Variants in GRIK2 observed in about 807,000 individuals in gnomAD.
GRIK2 encodes glutamate ionotropic receptor kainate type subunit 2.
GRIK2 carries 32 observed loss-of-function variants against 100.3 expected under a neutral mutation model. The ratio of observed to expected loss-of-function variants is 0.32; its 90% CI spans 0.24 to 0.43. The LOEUF is 0.43. Ranked by LOEUF, GRIK2 falls within the 20% of genes least tolerant of loss-of-function variation. The pLI, the probability that GRIK2 is intolerant of heterozygous loss-of-function variation, is 1.00. For missense variants in GRIK2, 843 were observed against 1,114.9 expected, an observed-to-expected ratio of 0.76 and a Z score of 3.47; for synonymous variants, 417 against 389.4, an observed-to-expected ratio of 1.07 and a Z score of -0.83.
At chr6:101,909,827 C>G (rs1306623068) in intron 12 of GRIK2, among the ~76,000 whole-genome samples, 1 of 150,924 alleles carries the variant, frequency 6.6e-6, no homozygotes, top group African/African-American at 2.4e-5. Context: ...AACCAGAATT[C>G]ATAAACAATT....
intron 4 of GRIK2, among the ~76,000 whole-genome samples, chr6:101,650,224 T>C (rs755665211): frequency 1.6e-4 from 24 of 152,110 alleles, no homozygotes; most frequent in Non-Finnish European, 2.2e-4. Context: ...AAAGGAAACA[T>C]TGGAAACCAA....
At chr6:101,627,663 A>G (rs1393298699) in intron 4 of GRIK2, among the ~76,000 whole-genome samples, 2 of 152,184 alleles carry the variant, frequency 1.3e-5, no homozygotes, top group Admixed American at 1.3e-4. Flanking sequence ...GGAACAATAT[A>G]ATATTCACTG....
At chr6:101,886,467 ATTTT>A (rs1284270584) in intron 11 of GRIK2, among the ~76,000 whole-genome samples, 2 of 151,944 alleles carry the variant, frequency 1.3e-5, no homozygotes, top group African/African-American at 2.4e-5. Flanking sequence ...TTGGAATAGA[ATTTT>A]TATTTTAAGC....
intron 10 of GRIK2, among the ~76,000 whole-genome samples, chr6:101,835,662 G>T (rs1283664974): frequency 1.3e-5 from 2 of 148,516 alleles, no homozygotes; most frequent in African/African-American, 4.9e-5. Context: ...TAGAGATGGG[G>T]TTTCACCATG....
At chr6:101,601,846 A>G (rs983352117) in intron 2 of GRIK2, among the ~76,000 whole-genome samples, 6 of 151,558 alleles carry the variant, frequency 4.0e-5, no homozygotes, top group Admixed American at 3.3e-4. Context: ...CTAGCTAGCA[A>G]TCTATTGATC....
At chr6:101,977,743 C>T (rs1169267347) in intron 14 of GRIK2, among the ~76,000 whole-genome samples, 2 of 151,938 alleles carry the variant, frequency 1.3e-5, no homozygotes, top group East Asian at 1.9e-4. Flanking sequence ...CTAAAACCTG[C>T]GTGCTTCATC....
At chr6:101,900,513 A>C (rs1051028751) in intron 12 of GRIK2, among the ~76,000 whole-genome samples, 2 of 152,170 alleles carry the variant, frequency 1.3e-5, no homozygotes, top group Non-Finnish European at 2.9e-5. Context: ...AAACAAAAGT[A>C]ATACATGATT....
chr6:101,866,154 T>G (rs1785042819), intron 11 of GRIK2, among the ~76,000 whole-genome samples: 1 of 152,186 alleles, frequency 6.6e-6, no homozygotes. Context: ...TTGAAGTGCC[T>G]TCCTCACCAT....
At chr6:101,472,087 A>G (rs1229264504) in intron 2 of GRIK2, among the ~76,000 whole-genome samples, 1 of 151,866 alleles carries the variant, frequency 6.6e-6, no homozygotes, top group East Asian at 1.9e-4. Flanking sequence ...TGGATTATTC[A>G]GTTATAGCAT....
At chr6:101,978,958 G>C in intron 14 of GRIK2, among the ~76,000 whole-genome samples, 1 of 151,848 alleles carries the variant, frequency 6.6e-6, no homozygotes, top group East Asian at 1.9e-4. Flanking sequence ...ATCTCCATAT[G>C]TTATCCTAAT....
At chr6:101,509,703 T>G (rs953231909) in intron 2 of GRIK2, among the ~76,000 whole-genome samples, 1 of 152,192 alleles carries the variant, frequency 6.6e-6, no homozygotes, top group African/African-American at 2.4e-5. Flanking sequence ...GAGTCTTGCT[T>G]GTAAATTCCA....
intron 12 of GRIK2, among the ~76,000 whole-genome samples, chr6:101,891,744 A>C (rs1389338318): frequency 6.6e-6 from 1 of 152,128 alleles, no homozygotes; most frequent in Non-Finnish European, 1.5e-5. Flanking sequence ...GCTTATTAAA[A>C]TTTTATGTGA....
intron 16 of GRIK2, among the ~76,000 whole-genome samples, chr6:102,066,611 CA>C (rs1772029494): frequency 6.6e-6 from 1 of 150,530 alleles, no homozygotes; most frequent in Non-Finnish European, 1.5e-5. Context: ...GGTACCAGAA[CA>C]AGGAGAAACA....
chr6:101,555,694 A>G (rs935647473), intron 2 of GRIK2, among the ~76,000 whole-genome samples: 2 of 152,174 alleles, frequency 1.3e-5, no homozygotes, highest in African/African-American at 2.4e-5. Context: ...GTTTCATTAA[A>G]TGTTACTTTT....
In GRIK2 at chr6:101,475,170, T is replaced by C. The variant is rs78268206; in HGVS notation, c.115+75778T>C. On this transcript the variant is annotated intron_variant, in intron 2 of 16. Transcript: ENST00000369134. ...GACTAATAACATATTTAAAGGCTAA[T>C]ATGTGTTAGAAACTGACACACGTTT... is the stretch of plus-strand genomic sequence containing the variant. Among the ~76,000 whole-genome samples the C allele has an allele frequency of 2.0e-3, 305 of 152,022 alleles. 2 individuals are homozygous for C. Among genetic ancestry groups the C allele is most frequent in the African/African-American group, 7.1e-3 (296 of 41,556 alleles).
intron 14 of GRIK2, among the ~76,000 whole-genome samples, chr6:102,010,872 T>A (rs1351933415): frequency 1.3e-5 from 2 of 152,172 alleles, no homozygotes; most frequent in African/African-American, 4.8e-5. Flanking sequence ...AGTTCATTTC[T>A]TTTTAATAAA....
At chr6:102,012,126 T>G (rs377466433) in intron 14 of GRIK2, among the ~76,000 whole-genome samples, 8 of 152,312 alleles carry the variant, frequency 5.3e-5, no homozygotes, top group African/African-American at 1.9e-4. Flanking sequence ...GTATTGCCTT[T>G]TTTCCTCCGT....
At chr6:101,832,978 G>T (rs114640198) in intron 10 of GRIK2, among the ~76,000 whole-genome samples, 3,698 of 152,150 alleles carry the variant, frequency 0.024, 165 homozygotes, top group African/African-American at 0.084. Flanking sequence ...TTAAAATAAC[G>T]TTAAAGGAGA....
intron 7 of GRIK2, among the ~76,000 whole-genome samples, chr6:101,746,780 T>C (rs1776444309): frequency 6.6e-6 from 1 of 151,770 alleles, no homozygotes; most frequent in Non-Finnish European, 1.5e-5. Flanking sequence ...TATGTGCATA[T>C]GTGTATGCAC....
Sources: allele counts gnomAD v4.1 joint callset (sites outside exome capture counted in the v4.1 genomes callset), GRCh38; gene constraint gnomAD v4.1.1; transcripts MANE v1.5; gene names NCBI Gene and HGNC (gene_info 2026-07-23, HGNC 2026-07-21).